XRCC5: variants seen among roughly 807,000 people sequenced by gnomAD.
XRCC5 encodes X-ray repair cross complementing 5.
A neutral mutation model predicts 95.7 loss-of-function variants in XRCC5; 12 were observed. The ratio of observed to expected loss-of-function variants is 0.13; its 90% CI spans 0.08 to 0.20. The LOEUF (loss-of-function observed/expected upper bound fraction) is 0.20, where lower values mean the gene tolerates loss of function less well. Ranked by LOEUF, XRCC5 falls within the 10% of genes least tolerant of loss-of-function variation. The pLI is 1.00. For synonymous variants in XRCC5, 281 were observed against 290.3 expected (o/e 0.97, Z 0.33); for missense variants, 595 against 873.9 (o/e 0.68, Z 4.02).
intron 10 of XRCC5, 126 bp from the exon 11 acceptor site, chr2:216,136,962 C>A (rs2106012449): frequency 8.5e-7 from 1 of 1,170,600 alleles, no homozygotes; most frequent in South Asian, 2.1e-5. Context: ...CTTCGTCCTT[C>A]AAGTCAGGGG....
chr2:216,123,406 G>A (rs371265620), intron 6 of XRCC5, among the ~76,000 whole-genome samples: 2 of 152,292 alleles, frequency 1.3e-5, no homozygotes, highest in East Asian at 3.9e-4. Context: ...GTTTCTTGGC[G>A]TAATGTGTTC....
chr2:216,179,438 G>T (rs1689340911), intron 16 of XRCC5, among the ~76,000 whole-genome samples: 1 of 152,048 alleles, frequency 6.6e-6, no homozygotes, highest in Non-Finnish European at 1.5e-5. Context: ...GGCGGGGTGG[G>T]GATACTATTC....
In XRCC5 at chr2:216,122,163, C is replaced by G; in HGVS notation, c.593C>G (p.Thr198Ser). The G allele has an allele frequency of 6.2e-7, 1 of 1,614,000 alleles. No individual in the cohort carries two copies. The highest frequency in any genetic ancestry group is 1.3e-5 in the African/African-American group (1 of 75,000). The change falls in exon 6 of 21, where the codon ACC (threonine) becomes AGC (serine). Residue 198 changes from threonine to serine, a missense_variant. By Grantham distance (58) the Thr-to-Ser change is moderately conservative. Transcript: ENST00000392132. ...HGPSFPLKGI[T>S]EQQKEGLEIV... Reference sequence around the variant, plus strand: ...CCTTCCTTTCCACTAAAAGGAATTACCGAACAGCAAAAAGAAGGTCTTGAG... The same window carrying G: ...CCTTCCTTTCCACTAAAAGGAATTAGCGAACAGCAAAAAGAAGGTCTTGAG...
intron 9 of XRCC5, 31 bp from the exon 10 acceptor site, chr2:216,132,294 G>T (rs1323693135): frequency 1.2e-6 from 2 of 1,605,786 alleles, no homozygotes; most frequent in South Asian, 1.1e-5. Context: ...ACTTATTTTG[G>T]ATCAAAAGCA....
At position 216,138,124 on chromosome 2, in the gene XRCC5, C is replaced by G. The variant is rs1299456648; in HGVS notation, c.1287C>G (p.Asp429Glu). The G allele has an allele frequency of 6.2e-7, 1 of 1,613,304 alleles. No homozygotes were observed. The highest frequency in any genetic ancestry group is 8.5e-7 in the Non-Finnish European group (1 of 1,179,940). Residue 429 changes from aspartate (D) to glutamate (E), a missense_variant, in exon 12 of 21, where the codon GAC becomes GAG. Around this residue, in one of 2 missense-constraint regions of XRCC5, gnomAD observed 309 missense variants for 382.9 expected, o/e 0.81. Coordinates refer to ENST00000392132, the MANE Select transcript of XRCC5 (RefSeq NM_021141.4). ...ATGTGCAGCTGCCTTTCATGGAAGA[C>G]TTGCGGCAATACATGTTTTCATCCT... ...LVYVQLPFME[D>E]LRQYMFSSLK...
At chr2:216,138,649 G>A (rs1262107366) in intron 12 of XRCC5, among the ~76,000 whole-genome samples, 1 of 152,138 alleles carries the variant, frequency 6.6e-6, no homozygotes, top group Non-Finnish European at 1.5e-5. Flanking sequence ...TGGCTTTTAG[G>A]AGTTACTTCA....
intron 15 of XRCC5, among the ~76,000 whole-genome samples, chr2:216,160,941 G>T (rs902492334): frequency 1.3e-5 from 2 of 151,882 alleles, no homozygotes; most frequent in Admixed American, 1.3e-4. Context: ...CAATCCTCCC[G>T]CTTCAGCCTC....
At chr2:216,143,160 T>C (rs750146130) in intron 13 of XRCC5, among the ~76,000 whole-genome samples, 2 of 152,236 alleles carry the variant, frequency 1.3e-5, no homozygotes, top group Non-Finnish European at 2.9e-5. Context: ...AGTGTCCTAC[T>C]GAGTTCTACT....
At chr2:216,121,944 G>C in intron 5 of XRCC5, 118 bp from the exon 6 acceptor site, 1 of 934,520 alleles carries the variant, frequency 1.1e-6, no homozygotes, top group Non-Finnish European at 1.5e-6. Flanking sequence ...GGTAAGAGTC[G>C]TTTGACAGAT....
intron 6 of XRCC5, among the ~76,000 whole-genome samples, chr2:216,124,420 C>A (rs1696872233): frequency 6.6e-6 from 1 of 152,108 alleles, no homozygotes; most frequent in African/African-American, 2.4e-5. Flanking sequence ...CTACTCAGAT[C>A]TTATATATTG....
At chr2:216,148,438 ATCTG>A (rs1553572871) in intron 14 of XRCC5, among the ~76,000 whole-genome samples, 162 bp downstream of exon 14, 1 of 152,190 alleles carries the variant, frequency 6.6e-6, no homozygotes, top group Non-Finnish European at 1.5e-5. Flanking sequence ...GATTTCTTAT[ATCTG>A]TCTGCTGTGA....
At chr2:216,176,095 G>C in intron 16 of XRCC5, 1 of 180,402 alleles carries the variant, frequency 5.5e-6, no homozygotes, top group Non-Finnish European at 1.1e-5. Context: ...AAGAGGCTGT[G>C]GGAAGCTTTT....
At chr2:216,120,033 C>T (rs1333417180) in intron 5 of XRCC5, among the ~76,000 whole-genome samples, 1 of 152,172 alleles carries the variant, frequency 6.6e-6, no homozygotes, top group Non-Finnish European at 1.5e-5. Flanking sequence ...AAATGCCTGC[C>T]TGGGGGTATT....
intron 16 of XRCC5, among the ~76,000 whole-genome samples, chr2:216,184,074 G>GTGTGTGTGT (rs1559260002): frequency 1.5e-5 from 2 of 133,386 alleles, no homozygotes; most frequent in East Asian, 2.3e-4. Flanking sequence ...GTGTGTGTGT[G>GTGTGTGTGT]ATTTAGAGAA....
chr2:216,179,308 C>T (rs1202705508), intron 16 of XRCC5, among the ~76,000 whole-genome samples: 1 of 152,156 alleles, frequency 6.6e-6, no homozygotes, highest in Non-Finnish European at 1.5e-5. Flanking sequence ...ATAAGGATGT[C>T]AGTCCTATTG....
At chr2:216,202,858 A>C (rs1034675820) in intron 19 of XRCC5, among the ~76,000 whole-genome samples, 2 of 152,174 alleles carry the variant, frequency 1.3e-5, no homozygotes, top group Non-Finnish European at 2.9e-5. Context: ...CACTGTTATC[A>C]CTTTGTTACC....
At chr2:216,194,103 A>G (rs1381802875) in intron 18 of XRCC5, among the ~76,000 whole-genome samples, 3 of 152,238 alleles carry the variant, frequency 2.0e-5, no homozygotes, top group African/African-American at 4.8e-5. Context: ...ACAAAAGCAT[A>G]CAGTCATTTA....
chr2:216,120,611 A>G (rs1300593883), intron 5 of XRCC5, among the ~76,000 whole-genome samples: 1 of 151,968 alleles, frequency 6.6e-6, no homozygotes, highest in Non-Finnish European at 1.5e-5. Context: ...CGTCTTCTGT[A>G]GTGGCATAGT....
intron 16 of XRCC5, among the ~76,000 whole-genome samples, chr2:216,163,591 C>T (rs75067015): frequency 7.9e-5 from 8 of 100,970 alleles, no homozygotes; most frequent in Non-Finnish European, 1.3e-4. Flanking sequence ...CATGAGCCAC[C>T]GTGCCCGGCC....
Sources: gnomAD v4.1 joint callset for allele counts (sites outside exome capture counted in the v4.1 genomes callset) on GRCh38, gnomAD v4.1.1 for gene constraint, gnomAD v4.1.1 regional missense constraint, MANE v1.5 for transcripts, NCBI Gene and HGNC (gene_info 2026-07-23, HGNC 2026-07-21) for gene names.